The following PRMT8 variants were observed in gnomAD, a reference collection of about 807,000 sequenced individuals.
PRMT8 encodes protein arginine N-methyltransferase 8.
Under a neutral mutation model 47.1 loss-of-function variants are expected in PRMT8, and 7 were observed. The observed-to-expected ratio is 0.15, with a 90% CI of 0.08 to 0.28. PRMT8 has a LOEUF of 0.28. PRMT8 is among the 10% of genes least tolerant of loss of function. The pLI is 1.00. For synonymous variants in PRMT8, 188 were observed against 186.5 expected, an observed-to-expected ratio of 1.01 and a Z score of -0.07; for missense variants, 237 against 505.4, an observed-to-expected ratio of 0.47 and a Z score of 5.09.
intron 1 of PRMT8, among the ~76,000 whole-genome samples, chr12:3,452,099 G>A (rs926978048): frequency 1.3e-5 from 2 of 152,124 alleles, no homozygotes; most frequent in Admixed American, 1.3e-4. Flanking sequence ...TACCCTCTTA[G>A]TTGCTTTCAA....
At chr12:3,426,008 G>A (rs532091080) in intron 1 of PRMT8, among the ~76,000 whole-genome samples, 13 of 152,364 alleles carry the variant, frequency 8.5e-5, no homozygotes, top group South Asian at 2.1e-4. Context: ...GTTGGGAGAC[G>A]GAAGCTGGAT....
chr12:3,530,762 C>G (rs1161887380), intron 1 of PRMT8, among the ~76,000 whole-genome samples: 1 of 152,214 alleles, frequency 6.6e-6, no homozygotes, highest in African/African-American at 2.4e-5. Flanking sequence ...CAGAGAGCAT[C>G]TAAAGATAGC....
Position 3,550,771 on chromosome 12 carries a change from A to G in PRMT8, c.417+680A>G, listed in dbSNP as rs974609019. 3 of 152,148 alleles carry G rather than the reference A, an allele frequency of 2.0e-5. No homozygotes were observed. Among genetic ancestry groups the G allele is most frequent in the Non-Finnish European group, 4.4e-5 (3 of 68,050 alleles). The allele number at this position is 152,148 out of a possible 1,614,324, so 9.4% of individuals were successfully genotyped here. On this transcript the variant is annotated intron_variant, in intron 3 of 9. Coordinates refer to ENST00000382622, the MANE Select transcript of PRMT8 (RefSeq NM_019854.5). The surrounding 1 kb of genome is among the most constrained non-coding windows in gnomAD (Gnocchi z 5.1). ...AGGCTGACCCTCTGGGAAGCCTCCT[A>G]CCTATCCCCTGGCTCTCCCAAGGCA...
chr12:3,403,418 G>C (rs986733171), intron 1 of PRMT8, among the ~76,000 whole-genome samples: 1 of 150,710 alleles, frequency 6.6e-6, no homozygotes, highest in Non-Finnish European at 1.5e-5. Context: ...CAGGGCACAC[G>C]TTTAACAATG....
chr12:3,512,915 T>G (rs1865734969), intron 1 of PRMT8, among the ~76,000 whole-genome samples: 1 of 152,210 alleles, frequency 6.6e-6, no homozygotes, highest in Admixed American at 6.5e-5. Context: ...TCATTTGCCC[T>G]CAGTGAGCTG....
intron 1 of PRMT8, among the ~76,000 whole-genome samples, chr12:3,400,285 A>G (rs7135558): frequency 0.25 from 38,068 of 152,052 alleles, 4,979 homozygotes; most frequent in Middle Eastern, 0.3. Context: ...AAAGAAGAAA[A>G]GAGAGAAGAA....
chr12:3,569,846 A>G lies in PRMT8; in HGVS notation c.712+282A>G, dbSNP rs1269756113. On this transcript the variant is annotated intron_variant, in intron 6 of 9. Coordinates refer to ENST00000382622, the MANE Select transcript of PRMT8 (RefSeq NM_019854.5). The surrounding 1 kb of genome is among the most constrained non-coding windows in gnomAD (Gnocchi z 8.2). ...GAATTAAAAATTGGACTGAGGCAGC[A>G]GAAGCTGAGTTTTTGCAGAGATCAG... 6.6e-6 allele frequency among the ~76,000 whole-genome samples: 1 copy of G among 152,244 alleles called. No individual in the cohort carries two copies. Among genetic ancestry groups the G allele is most frequent in the Non-Finnish European group, 1.5e-5 (1 of 68,038 alleles).
chr12:3,489,674 C>T (rs1315710613), upstream of PRMT8, among the ~76,000 whole-genome samples: 1 of 152,170 alleles, frequency 6.6e-6, no homozygotes, highest in Non-Finnish European at 1.5e-5. Context: ...CCACTTTCTG[C>T]ATGTTGACAG....
Position 3,405,750 on chromosome 12 carries a change from G to A in PRMT8, c.48+24308G>A, listed in dbSNP as rs184838912. Among the ~76,000 whole-genome samples, 180 of 152,330 alleles carry A rather than the reference G, an allele frequency of 1.2e-3. 1 individual carries two copies. The East Asian group carries it at 0.023, about 19-fold the overall frequency. ...CCAGGTCATGCTGATGCAAGAGGTGGGCTCCATAGCCTTGGGCAGCTCCAC... is the reference window on the plus strand; with the variant it reads ...CCAGGTCATGCTGATGCAAGAGGTGAGCTCCATAGCCTTGGGCAGCTCCAC... On this transcript the variant is annotated intron_variant, in intron 1 of 9. Coordinates refer to the PRMT8 transcript ENST00000452611.
rs966908098 is a variant in PRMT8 at position 3,431,544 on chromosome 12, G to A, written c.48+50102G>A. 6.6e-5 allele frequency among the ~76,000 whole-genome samples: 10 copies of A among 152,250 alleles called. 1 individual carries two copies. In the South Asian group the frequency reaches 1.5e-3, roughly 22 times the overall value. On this transcript the variant is annotated intron_variant, in intron 1 of 9. Transcript: ENST00000452611. ...TGGGGACATGCATGTTTCAGAGTTG[G>A]TGGAGGGGAGGGACCTGGAGAGGAT...
intron 1 of PRMT8, among the ~76,000 whole-genome samples, chr12:3,397,189 G>A (rs181170511): frequency 0.01 from 1,529 of 151,888 alleles, 27 homozygotes; most frequent in African/African-American, 0.033. Context: ...TAATTTGATC[G>A]TCTGAAGCCT....
At chr12:3,497,910 C>T (rs1865533474) in intron 1 of PRMT8, among the ~76,000 whole-genome samples, 1 of 152,212 alleles carries the variant, frequency 6.6e-6, no homozygotes, top group South Asian at 2.1e-4. Flanking sequence ...TCCAATATCA[C>T]AGAGCTCTTC....
In PRMT8 at chr12:3,493,818, G is replaced by A. The variant is rs114858056; in HGVS notation, c.75+2118G>A. Among the ~76,000 whole-genome samples, 1 of 152,218 alleles carries A rather than the reference G, an allele frequency of 6.6e-6. No homozygotes were observed. Among genetic ancestry groups the A allele is most frequent in the Non-Finnish European group, 1.5e-5 (1 of 68,048 alleles). ...AAACAAACAAACAAAAAACCACGTC[G>A]CGTGCGGGGCACCAAGGCGGTGCGG... On this transcript the variant is annotated intron_variant, in intron 1 of 9. Coordinates refer to ENST00000382622, the MANE Select transcript of PRMT8 (RefSeq NM_019854.5). The surrounding 1 kb of genome is among the most constrained non-coding windows in gnomAD (Gnocchi z 8.2).
In PRMT8 at chr12:3,440,000, A is replaced by G. The variant is rs1464117421; in HGVS notation, c.48+58558A>G. On this transcript the variant is annotated intron_variant, in intron 1 of 9. Coordinates refer to the PRMT8 transcript ENST00000452611. ...GACCTCGGGCTCCAATCCTGACTGT[A>G]ATCTTTAATTACGGGAACTGGAGCA... 2.0e-5 allele frequency among the ~76,000 whole-genome samples: 3 copies of G among 152,128 alleles called. No homozygotes were observed. In the East Asian group the frequency reaches 5.8e-4, roughly 29 times the overall value.
intron 1 of PRMT8, among the ~76,000 whole-genome samples, chr12:3,495,670 T>A (rs1865493949): frequency 6.6e-6 from 1 of 152,252 alleles, no homozygotes. Context: ...TGCACTTTTT[T>A]TTGAATTTGT....
At chr12:3,440,913 C>T (rs1199548921) in intron 1 of PRMT8, among the ~76,000 whole-genome samples, 1 of 152,190 alleles carries the variant, frequency 6.6e-6, no homozygotes, top group African/African-American at 2.4e-5. Context: ...TTGCCTTAAA[C>T]CCCCCAATTC....
At chr12:3,467,481 G>A (rs941673673) in intron 1 of PRMT8, among the ~76,000 whole-genome samples, 3 of 151,872 alleles carry the variant, frequency 2.0e-5, no homozygotes, top group African/African-American at 7.3e-5. Flanking sequence ...AAAGTGAGCC[G>A]TTCTCAGAAA....
At chr12:3,524,526 T>A (rs1266078732) in intron 1 of PRMT8, among the ~76,000 whole-genome samples, 1 of 151,740 alleles carries the variant, frequency 6.6e-6, no homozygotes, top group African/African-American at 2.4e-5. Flanking sequence ...GCTTGTTTTG[T>A]GGGTTCTTAT....
chr12:3,557,235 C>T lies in PRMT8; in HGVS notation c.481+3521C>T, dbSNP rs567288215. ...TGCTGTTGTGTGATCTTTCTCTTAC[C>T]ACTCTCAGGAGCTCGAGTGCGATTG... On this transcript the variant is annotated intron_variant, in intron 4 of 9. Coordinates refer to ENST00000382622, the MANE Select transcript of PRMT8 (RefSeq NM_019854.5). The surrounding 1 kb of genome is among the most constrained non-coding windows in gnomAD (Gnocchi z 4.7). Among the ~76,000 whole-genome samples the T allele has an allele frequency of 2.6e-5, 4 of 152,204 alleles. No individual in the cohort carries two copies. Among genetic ancestry groups the T allele is most frequent in the African/African-American group, 9.6e-5 (4 of 41,514 alleles).
Sources: allele counts gnomAD v4.1 joint callset (sites outside exome capture counted in the v4.1 genomes callset), GRCh38; gene constraint gnomAD v4.1.1; non-coding constraint Gnocchi (gnomAD v3.1); transcripts MANE v1.5; gene names NCBI Gene and HGNC (gene_info 2026-07-23, HGNC 2026-07-21).